PDIA6: variants seen among roughly 807,000 people sequenced by gnomAD.
The protein encoded by PDIA6 is protein disulfide-isomerase A6.
PDIA6 carries 29 observed loss-of-function variants against 58.4 expected under a neutral mutation model. The ratio of observed to expected loss-of-function variants is 0.50; its 90% CI spans 0.37 to 0.68. PDIA6 has a LOEUF of 0.68. PDIA6 is among the 30% of genes least tolerant of loss of function. The pLI is 0.00. For synonymous variants in PDIA6, 192 were observed against 202.6 expected, an observed-to-expected ratio of 0.95 and a Z score of 0.44; for missense variants, 480 against 551.0, an observed-to-expected ratio of 0.87 and a Z score of 1.29.
upstream of PDIA6, among the ~76,000 whole-genome samples, chr2:10,816,888 C>A (rs910427993): frequency 6.6e-6 from 1 of 152,188 alleles, no homozygotes; most frequent in African/African-American, 2.4e-5. Flanking sequence ...AAGACCCACA[C>A]TGGGCATGTG....
chr2:10,789,892 AT>A lies in PDIA6; in HGVS notation c.700-4del, dbSNP rs1665952522. On this transcript the variant is annotated splice_polypyrimidine_tract_variant and splice_region_variant and intron_variant, in intron 7 of 12. Transcript: ENST00000272227. ...TTGATTGTAGGAAATCCTCTAATCT[AT>A]TAAAAAAAGGTCAGAGGATAAAATC... 2.5e-6 allele frequency: 4 copies of A among 1,610,816 alleles called. No homozygotes were observed. Among genetic ancestry groups the A allele is most frequent in the Non-Finnish European group, 2.5e-6 (3 of 1,177,942 alleles).
chr2:10,811,781 G>A (rs908684141), intron 1 of PDIA6, among the ~76,000 whole-genome samples: 10 of 152,172 alleles, frequency 6.6e-5, no homozygotes, highest in African/African-American at 2.2e-4. Flanking sequence ...TTCCTAAGAC[G>A]CCGCGTTCCA....
intron 1 of PDIA6, among the ~76,000 whole-genome samples, chr2:10,826,933 T>A (rs1686489): frequency 1.3e-5 from 2 of 151,960 alleles, no homozygotes; most frequent in Non-Finnish European, 2.9e-5. Flanking sequence ...ATCACTGCAG[T>A]CTCAGCTTAT....
chr2:10,785,076 T>C, intron 11 of PDIA6, 46 bp from the exon 12 acceptor site: 8 of 1,270,692 alleles, frequency 6.3e-6, no homozygotes, highest in Non-Finnish European at 9.0e-6. Context: ...TACAATGGAC[T>C]GCTGGTGCAG....
chr2:10,833,402 C>T (rs1667756065), upstream of PDIA6, among the ~76,000 whole-genome samples: 3 of 152,212 alleles, frequency 2.0e-5, no homozygotes, highest in South Asian at 6.2e-4. Flanking sequence ...CACTTTGCTG[C>T]TGTGTCTCTG....
At chr2:10,819,369 G>C (rs1269476600) in intron 1 of PDIA6, 2 of 1,458,812 alleles carry the variant, frequency 1.4e-6, no homozygotes, top group Non-Finnish European at 1.9e-6. Context: ...AAGTGAGAGA[G>C]AAGAGGAGAT....
In PDIA6 at chr2:10,798,087, G is replaced by A. The variant is rs545121608; in HGVS notation, c.162-330C>T. Among the ~76,000 whole-genome samples, 7 of 152,256 alleles carry A rather than the reference G, an allele frequency of 4.6e-5. No homozygotes were observed. In the South Asian group the frequency reaches 1.2e-3, roughly 27 times the overall value. ...TGTAATCCTAGCTACTGGGGAGGCT[G>A]AGGCACAAGAATCACGTGAACCCAG... On this transcript the variant is annotated intron_variant, in intron 2 of 12. Coordinates refer to ENST00000272227, the MANE Select transcript of PDIA6 (RefSeq NM_005742.4).
intron 1 of PDIA6, among the ~76,000 whole-genome samples, chr2:10,806,647 A>AC (rs1558452569): frequency 2.7e-5 from 4 of 150,106 alleles, no homozygotes; most frequent in Admixed American, 6.7e-5. Context: ...AGAAAGAAAG[A>AC]AAAACGTTAC....
intron 1 of PDIA6, among the ~76,000 whole-genome samples, chr2:10,807,267 G>A (rs952755409): frequency 6.6e-6 from 1 of 152,154 alleles, no homozygotes; most frequent in African/African-American, 2.4e-5. Context: ...GGAGTGCAAT[G>A]GTGCAAACAC....
chr2:10,836,433 G>A (rs986592052), upstream of PDIA6, among the ~76,000 whole-genome samples: 4 of 151,916 alleles, frequency 2.6e-5, no homozygotes, highest in African/African-American at 4.8e-5. Context: ...GGCTGATCTC[G>A]AATTCCTGAA....
At chr2:10,835,356 T>G (rs916321472), upstream of PDIA6, among the ~76,000 whole-genome samples, 1 of 151,944 alleles carries the variant, frequency 6.6e-6, no homozygotes, top group Non-Finnish European at 1.5e-5. Flanking sequence ...CCCGCCTTCT[T>G]GACCAGGCCG....
At chr2:10,812,791 A>G, upstream of PDIA6, 1 of 1,237,620 alleles carries the variant, frequency 8.1e-7, no homozygotes, top group Non-Finnish European at 1.0e-6. Flanking sequence ...GTCCCGCCCC[A>G]GGCCAGTCCG....
chr2:10,796,937 T>G (rs1572665959), intron 4 of PDIA6, 144 bp downstream of exon 4: 1 of 701,696 alleles, frequency 1.4e-6, no homozygotes, highest in Admixed American at 2.7e-5. Context: ...ACTCGGAGGG[T>G]ATAGGAATCA....
chr2:10,834,033 A>T (rs1667767694), upstream of PDIA6, among the ~76,000 whole-genome samples: 1 of 152,260 alleles, frequency 6.6e-6, no homozygotes, highest in South Asian at 2.1e-4. Flanking sequence ...CCCCATCCCC[A>T]GACTTCTGAA....
At chr2:10,826,290 T>G (rs1230801129) in intron 1 of PDIA6, among the ~76,000 whole-genome samples, 3 of 152,210 alleles carry the variant, frequency 2.0e-5, no homozygotes, top group African/African-American at 7.2e-5. Flanking sequence ...AAAGTAGGTT[T>G]GTGGCTGTCT....
At chr2:10,808,057 C>T (rs1254972248) in intron 1 of PDIA6, among the ~76,000 whole-genome samples, 2 of 152,164 alleles carry the variant, frequency 1.3e-5, no homozygotes, top group African/African-American at 4.8e-5. Context: ...ATTTACACTG[C>T]ATTTGAATCA....
chr2:10,816,077 C>CT (rs57404091), upstream of PDIA6, among the ~76,000 whole-genome samples: 2,859 of 96,216 alleles, frequency 0.03, 177 homozygotes, highest in East Asian at 0.064. Context: ...AATCATTTGT[C>CT]TTTTTTTTTT....
chr2:10,806,413 G>GGA (rs1262741185), intron 1 of PDIA6, among the ~76,000 whole-genome samples: 2 of 148,736 alleles, frequency 1.3e-5, no homozygotes, highest in African/African-American at 4.9e-5. Context: ...CTGCTGTTTT[G>GGA]TATAATGCGT....
At chr2:10,797,580 C>A in intron 3 of PDIA6, 120 bp downstream of exon 3, 1 of 704,208 alleles carries the variant, frequency 1.4e-6, no homozygotes, top group South Asian at 1.8e-5. Context: ...ACTAGCTTCC[C>A]ATTGAACATT....
Sources: gnomAD v4.1 joint callset for allele counts (sites outside exome capture counted in the v4.1 genomes callset) on GRCh38, gnomAD v4.1.1 for gene constraint, MANE v1.5 for transcripts, NCBI Gene and HGNC (gene_info 2026-07-23, HGNC 2026-07-21) for gene names.